SDK1: variants seen among roughly 807,000 people sequenced by gnomAD.
The protein encoded by SDK1 is protein sidekick-1.
Under a neutral mutation model 245.5 loss-of-function variants are expected in SDK1, and 157 were observed. The ratio of observed to expected loss-of-function variants is 0.64; its 90% CI spans 0.56 to 0.73. The LOEUF (loss-of-function observed/expected upper bound fraction) is 0.73, where lower values mean the gene tolerates loss of function less well. SDK1 is among the 30% of genes least tolerant of loss of function. The pLI, the probability that SDK1 is intolerant of heterozygous loss-of-function variation, is 0.00. For missense variants in SDK1, 3,583 were observed against 3,002.3 expected, an observed-to-expected ratio of 1.19 and a Z score of -4.52; for synonymous variants, 1,647 against 1,278.5, an observed-to-expected ratio of 1.29 and a Z score of -6.15.
At chr7:3,637,562 C>G (rs1220601176) in intron 2 of SDK1, among the ~76,000 whole-genome samples, 2 of 152,192 alleles carry the variant, frequency 1.3e-5, no homozygotes, top group African/African-American at 4.8e-5. Flanking sequence ...GGTTGGTTAC[C>G]TATCTTTACT....
In SDK1 at chr7:4,241,924, A is replaced by C. The variant is rs749069161; in HGVS notation, c.6251+11A>C. On this transcript the variant is annotated intron_variant, in intron 43 of 44. Transcript: ENST00000404826. Reference sequence around the variant, plus strand: ...GAAGAACGGGACCAGGTAGGCAGGCAGTGCTGTGCTGCGCCCACCTGGGGA... The same window carrying C: ...GAAGAACGGGACCAGGTAGGCAGGCCGTGCTGTGCTGCGCCCACCTGGGGA... 1 of 1,611,804 alleles carries C rather than the reference A, an allele frequency of 6.2e-7. No individual in the cohort carries two copies. Among genetic ancestry groups the C allele is most frequent in the Admixed American group, 1.7e-5 (1 of 60,028 alleles).
At chr7:4,005,550 A>G (rs865944379) in intron 14 of SDK1, among the ~76,000 whole-genome samples, 5 of 151,864 alleles carry the variant, frequency 3.3e-5, no homozygotes, top group Non-Finnish European at 7.4e-5. Context: ...GGTAGCCGCC[A>G]CCTGTGAAAT....
chr7:4,107,896 T>C (rs1783049652), intron 22 of SDK1, among the ~76,000 whole-genome samples: 2 of 152,220 alleles, frequency 1.3e-5, no homozygotes, highest in African/African-American at 4.8e-5. Flanking sequence ...TGACAAACAT[T>C]TGGTGACCTT....
At chr7:3,391,635 ATTT>A (rs10667421) in intron 1 of SDK1, among the ~76,000 whole-genome samples, 5,283 of 130,256 alleles carry the variant, frequency 0.041, 226 homozygotes, top group African/African-American at 0.12. Flanking sequence ...CTGTTAACTG[ATTT>A]TTTTTTTTTT....
intron 5 of SDK1, among the ~76,000 whole-genome samples, chr7:3,905,786 C>G (rs973018031): frequency 6.6e-6 from 1 of 151,522 alleles, no homozygotes; most frequent in African/African-American, 2.4e-5. Context: ...CTATCCCTGG[C>G]TAATTAAAAA....
intron 37 of SDK1, 67 bp downstream of exon 37, chr7:4,208,352 G>C: frequency 6.8e-7 from 1 of 1,466,482 alleles, no homozygotes; most frequent in South Asian, 1.2e-5. Context: ...CGCCAGCTCA[G>C]GTCCCCTCAC....
intron 1 of SDK1, among the ~76,000 whole-genome samples, chr7:3,359,628 C>G (rs1303678273): frequency 6.6e-6 from 1 of 152,188 alleles, no homozygotes; most frequent in Non-Finnish European, 1.5e-5. Context: ...GGATCACCGC[C>G]TGGTCCCTTA....
intron 38 of SDK1, among the ~76,000 whole-genome samples, chr7:4,213,627 A>G (rs1016933602): frequency 3.3e-5 from 5 of 150,996 alleles, no homozygotes; most frequent in African/African-American, 7.3e-5. Context: ...AGGCCATTCC[A>G]TGGGTCATTA....
intron 1 of SDK1, among the ~76,000 whole-genome samples, chr7:3,590,662 G>C (rs1369314131): frequency 6.6e-6 from 1 of 151,964 alleles, no homozygotes; most frequent in Non-Finnish European, 1.5e-5. Flanking sequence ...CCTTTTAATA[G>C]TCTCATCCTT....
At chr7:4,038,381 ATT>A (rs35948306) in intron 17 of SDK1, among the ~76,000 whole-genome samples, 2 of 149,550 alleles carry the variant, frequency 1.3e-5, no homozygotes, top group African/African-American at 4.9e-5. Context: ...AAGACAGGGA[ATT>A]TTTTTTTTTG....
intron 29 of SDK1, 87 bp downstream of exon 29, chr7:4,146,003 G>A (rs1419633451): frequency 4.9e-6 from 6 of 1,214,802 alleles, no homozygotes; most frequent in Non-Finnish European, 5.8e-6. Context: ...GGGGTACCTG[G>A]GAGGCTTCGG....
At chr7:3,596,600 C>T (rs1043974540) in intron 1 of SDK1, among the ~76,000 whole-genome samples, 7 of 152,148 alleles carry the variant, frequency 4.6e-5, no homozygotes, top group Non-Finnish European at 8.8e-5. Flanking sequence ...TCCCTCAGGC[C>T]CTTCCAATTA....
In SDK1 at chr7:3,795,579, T is replaced by G. The variant is rs1778943120; in HGVS notation, c.714-25871T>G. On this transcript the variant is annotated intron_variant, in intron 4 of 44. Coordinates refer to ENST00000404826, the MANE Select transcript of SDK1 (RefSeq NM_152744.4). ...TTTACCCCTCACTGTATCTGGCTGT[T>G]AAATGCCTGTCTTCCAGCTGGCATT... Among the ~76,000 whole-genome samples, 5 of 152,174 alleles carry G rather than the reference T, an allele frequency of 3.3e-5. 1 individual carries two copies. Among genetic ancestry groups the G allele is most frequent in the Admixed American group, 3.3e-4 (5 of 15,274 alleles).
At chr7:3,530,029 A>G (rs1189140303) in intron 1 of SDK1, among the ~76,000 whole-genome samples, 1 of 152,214 alleles carries the variant, frequency 6.6e-6, no homozygotes, top group East Asian at 1.9e-4. Context: ...CTTAGAATAG[A>G]GTTCTAAGAA....
chr7:4,055,428 T>C (rs1661177244), intron 19 of SDK1, among the ~76,000 whole-genome samples: 1 of 152,244 alleles, frequency 6.6e-6, no homozygotes, highest in African/African-American at 2.4e-5. Context: ...AGTGATGTCC[T>C]GTTTTTTATT....
chr7:3,612,581 T>C (rs1341557920), intron 1 of SDK1, among the ~76,000 whole-genome samples: 1 of 152,232 alleles, frequency 6.6e-6, no homozygotes, highest in Non-Finnish European at 1.5e-5. Context: ...CCTGTGCTTT[T>C]GTTTCTCCCT....
chr7:3,619,303 C>A, intron 2 of SDK1, 64 bp downstream of exon 2: 1 of 1,417,626 alleles, frequency 7.1e-7, no homozygotes, highest in Non-Finnish European at 9.9e-7. Flanking sequence ...ACTTGCCTTA[C>A]TGGTCATAAT....
intron 4 of SDK1, among the ~76,000 whole-genome samples, chr7:3,668,747 C>T (rs370178738): frequency 5.9e-5 from 9 of 152,168 alleles, no homozygotes; most frequent in Admixed American, 1.3e-4. Context: ...GCCAAGATGG[C>T]GCCATTGCAC....
At position 3,950,979 on chromosome 7, in the gene SDK1, A is replaced by C; in HGVS notation, c.904A>C (p.Arg302=). 6.2e-7 allele frequency: 1 copy of C among 1,614,096 alleles called. No individual in the cohort carries two copies. Residue 302 remains arginine, a synonymous_variant, in exon 6 of 45, where the codon AGA becomes CGA. Transcript: ENST00000404826. ...APTIVVPPGN[R]SVVAGSSETT... ...AACCATTGTGGTTCCCCCGGGCAAC[A>C]GAAGTGTGGTGGCTGGATCCAGTGA...
Sources: allele counts gnomAD v4.1 joint callset (sites outside exome capture counted in the v4.1 genomes callset), GRCh38; gene constraint gnomAD v4.1.1; transcripts MANE v1.5; gene names NCBI Gene and HGNC (gene_info 2026-07-23, HGNC 2026-07-21).